The following RERE variants were observed in gnomAD, a reference collection of about 807,000 sequenced individuals.
RERE encodes arginine-glutamic acid dipeptide repeats.
Under a neutral mutation model 146.1 loss-of-function variants are expected in RERE, and 40 were observed. The observed-to-expected ratio is 0.27, with a 90% CI of 0.21 to 0.36. The LOEUF (loss-of-function observed/expected upper bound fraction) is 0.36. Among genes scored for constraint, RERE ranks in the 10% least tolerant of loss-of-function variants. The pLI is 1.00. For missense variants in RERE, 1,933 were observed against 2,138.7 expected (o/e 0.90, Z 1.90); for synonymous variants, 1,003 against 866.0 (o/e 1.16, Z -2.78).
At chr1:8,463,922 T>C (rs772780773) in intron 11 of RERE, among the ~76,000 whole-genome samples, 4 of 152,256 alleles carry the variant, frequency 2.6e-5, no homozygotes, top group Non-Finnish European at 5.9e-5. Flanking sequence ...CCACAGTCTA[T>C]ACACTTGTTC....
intron 12 of RERE, among the ~76,000 whole-genome samples, chr1:8,398,590 T>C (rs1019746544): frequency 6.6e-6 from 1 of 152,248 alleles, no homozygotes; most frequent in Non-Finnish European, 1.5e-5. Context: ...CTTTTTCTTA[T>C]TATTTATCAT....
chr1:8,753,526 C>T (rs56236127), intron 1 of RERE: 3 of 152,048 alleles, frequency 2.0e-5, no homozygotes, highest in African/African-American at 7.2e-5. Flanking sequence ...AAAATGTCAA[C>T]TCATCAAAGT....
At chr1:8,422,273 G>A (rs1378771739) in intron 12 of RERE, among the ~76,000 whole-genome samples, 5 of 152,138 alleles carry the variant, frequency 3.3e-5, no homozygotes, top group African/African-American at 1.2e-4. Flanking sequence ...CTTCAAAACA[G>A]AGCAACATTG....
intron 1 of RERE, chr1:8,753,340 G>A (rs374400074): frequency 2.0e-5 from 3 of 151,922 alleles, no homozygotes; most frequent in Non-Finnish European, 2.9e-5. Flanking sequence ...TTTTGCAATC[G>A]TTTCTTTTCT....
chr1:8,793,169 AAAAAAAAAG>A (rs1641398137), intron 1 of RERE, among the ~76,000 whole-genome samples: 1 of 146,734 alleles, frequency 6.8e-6, no homozygotes, highest in Non-Finnish European at 1.5e-5. Flanking sequence ...AAAAAAAAAA[AAAAAAAAAG>A]AAAGAAAGAA....
intron 1 of RERE, among the ~76,000 whole-genome samples, chr1:8,738,255 T>C (rs1640238904): frequency 6.6e-6 from 1 of 152,164 alleles, no homozygotes; most frequent in African/African-American, 2.4e-5. Flanking sequence ...TTTTGGAGCT[T>C]TATTCGTGCC....
intron 4 of RERE, among the ~76,000 whole-genome samples, chr1:8,591,333 A>T (rs1646490322): frequency 6.6e-6 from 1 of 152,172 alleles, no homozygotes; most frequent in African/African-American, 2.4e-5. Context: ...ATGGTGTAAA[A>T]GCAAGAAAAA....
At chr1:8,550,723 T>C (rs1645924850) in intron 6 of RERE, among the ~76,000 whole-genome samples, 2 of 152,184 alleles carry the variant, frequency 1.3e-5, no homozygotes, top group South Asian at 4.1e-4. Flanking sequence ...ATTTTTTGTA[T>C]TTTTAGTAGA....
intron 1 of RERE, among the ~76,000 whole-genome samples, chr1:8,692,808 T>C (rs565587243): frequency 5.6e-4 from 85 of 152,316 alleles, no homozygotes; most frequent in African/African-American, 2.0e-3. Flanking sequence ...GTGTAGCATA[T>C]TTTACATGAA....
chr1:8,432,572 GAATT>G (rs1557629613), intron 11 of RERE, among the ~76,000 whole-genome samples: 1 of 152,140 alleles, frequency 6.6e-6, no homozygotes, highest in African/African-American at 2.4e-5. Flanking sequence ...TTTATGACTA[GAATT>G]AATAAGCACT....
chr1:8,595,239 T>C (rs1646541181), intron 4 of RERE, among the ~76,000 whole-genome samples: 1 of 151,994 alleles, frequency 6.6e-6, no homozygotes, highest in African/African-American at 2.4e-5. Flanking sequence ...GGGTAAAATT[T>C]CTTTGCCTAT....
At chr1:8,635,003 G>C (rs1026049044) in intron 2 of RERE, among the ~76,000 whole-genome samples, 1 of 152,182 alleles carries the variant, frequency 6.6e-6, no homozygotes, top group Non-Finnish European at 1.5e-5. Flanking sequence ...TCAAAGTGCT[G>C]GGATTAGAGG....
At chr1:8,470,921 C>T (rs375664459) in intron 10 of RERE, among the ~76,000 whole-genome samples, 3 of 132,172 alleles carry the variant, frequency 2.3e-5, no homozygotes, top group East Asian at 2.5e-4. Context: ...CAGGTTCAAG[C>T]GATTCTCCTG....
chr1:8,405,471 C>T (rs1021451241), intron 12 of RERE, among the ~76,000 whole-genome samples: 5 of 151,986 alleles, frequency 3.3e-5, no homozygotes, highest in African/African-American at 9.7e-5. Context: ...AAGATCAATA[C>T]AGATAAGTTT....
At chr1:8,700,235 A>G (rs1639418443) in intron 1 of RERE, among the ~76,000 whole-genome samples, 1 of 151,992 alleles carries the variant, frequency 6.6e-6, no homozygotes, top group Non-Finnish European at 1.5e-5. Context: ...AACCCGGGAG[A>G]CGGAGGCTGC....
At chr1:8,570,913 A>G (rs972198302) in intron 4 of RERE, among the ~76,000 whole-genome samples, 2 of 152,254 alleles carry the variant, frequency 1.3e-5, no homozygotes, top group Admixed American at 6.5e-5. Flanking sequence ...CACTCCAGAC[A>G]TTCCAGTAGA....
chr1:8,518,885 C>A (rs1043720465), intron 7 of RERE, among the ~76,000 whole-genome samples: 6 of 152,264 alleles, frequency 3.9e-5, no homozygotes, highest in Middle Eastern at 3.4e-3. Flanking sequence ...CGACTCTGGG[C>A]ACACTTTCTG....
chr1:8,770,362 T>C (rs1251723309), intron 1 of RERE, among the ~76,000 whole-genome samples: 2 of 152,346 alleles, frequency 1.3e-5, no homozygotes, highest in East Asian at 3.9e-4. Flanking sequence ...CCATGGATTA[T>C]GGATAATTAG....
intron 4 of RERE, among the ~76,000 whole-genome samples, chr1:8,582,013 T>A (rs1401334698): frequency 6.6e-6 from 1 of 152,142 alleles, no homozygotes; most frequent in Non-Finnish European, 1.5e-5. Flanking sequence ...AATGTTCATG[T>A]TTATAAAATA....
Sources: gnomAD v4.1 joint callset for allele counts (sites outside exome capture counted in the v4.1 genomes callset) on GRCh38, gnomAD v4.1.1 for gene constraint, MANE v1.5 for transcripts, NCBI Gene and HGNC (gene_info 2026-07-23, HGNC 2026-07-21) for gene names.